The following ARHGAP15 variants were observed in gnomAD, a reference collection of about 807,000 sequenced individuals.
The protein encoded by ARHGAP15 is rho GTPase-activating protein 15.
In ARHGAP15, 51 loss-of-function variants were observed where a neutral mutation model predicts 63.7. That is an observed-to-expected ratio of 0.80 (90% CI 0.64 to 1.01). The LOEUF (loss-of-function observed/expected upper bound fraction) is 1.01, where lower values mean the gene tolerates loss of function less well. Ranked by LOEUF, ARHGAP15 falls within the 50% of genes least tolerant of loss-of-function variation. The pLI, the probability that ARHGAP15 is intolerant of heterozygous loss-of-function variation, is 0.00. For synonymous variants in ARHGAP15, 191 were observed against 193.8 expected (o/e 0.99, Z 0.12); for missense variants, 560 against 564.6 (o/e 0.99, Z 0.08).
intron 1 of ARHGAP15, among the ~76,000 whole-genome samples, chr2:143,144,775 TTTCA>T (rs1689512225): frequency 6.6e-6 from 1 of 152,028 alleles, no homozygotes; most frequent in Non-Finnish European, 1.5e-5. Context: ...TAAAGTGAAC[TTTCA>T]TTCCCAGGAA....
In ARHGAP15 at chr2:143,413,442, C is replaced by T. The variant is rs141616065; in HGVS notation, c.475-22159C>T. 9.9e-5 allele frequency among the ~76,000 whole-genome samples: 15 copies of T among 152,260 alleles called. No individual in the cohort carries two copies. The East Asian group carries it at 2.9e-3, about 29-fold the overall frequency. ...TGTTTCTCAAGCCCTGTGAGGCTGC[C>T]ATCAACTCTGATAAGCTTCTCAGCC... is the stretch of plus-strand genomic sequence containing the variant. On this transcript the variant is annotated intron_variant, in intron 6 of 13. Transcript: ENST00000295095.
intron 8 of ARHGAP15, among the ~76,000 whole-genome samples, chr2:143,467,994 C>T (rs919774341): frequency 7.9e-5 from 12 of 151,972 alleles, no homozygotes; most frequent in African/African-American, 2.4e-4. Flanking sequence ...TGAGTATGTT[C>T]GTTGTAGTTT....
At chr2:143,726,923 C>A (rs1297866151) in intron 13 of ARHGAP15, among the ~76,000 whole-genome samples, 1 of 152,114 alleles carries the variant, frequency 6.6e-6, no homozygotes, top group African/African-American at 2.4e-5. Flanking sequence ...AAAGGCAAAC[C>A]TGGATAGCAC....
At chr2:143,167,953 G>C (rs1690615224) in intron 2 of ARHGAP15, among the ~76,000 whole-genome samples, 2 of 152,038 alleles carry the variant, frequency 1.3e-5, no homozygotes, top group Admixed American at 1.3e-4. Flanking sequence ...CTATTGACTG[G>C]CTGTTCACAG....
At chr2:143,427,372 AGT>A (rs910594154) in intron 6 of ARHGAP15, among the ~76,000 whole-genome samples, 3 of 152,178 alleles carry the variant, frequency 2.0e-5, no homozygotes, top group African/African-American at 7.2e-5. Flanking sequence ...TAATATTAAC[AGT>A]GTTCTTGTAA....
intron 6 of ARHGAP15, among the ~76,000 whole-genome samples, chr2:143,318,049 A>C (rs1683803564): frequency 6.6e-6 from 1 of 151,996 alleles, no homozygotes; most frequent in Admixed American, 6.6e-5. Context: ...CCCAGGCTGA[A>C]GTGCAGCGGT....
intron 6 of ARHGAP15, among the ~76,000 whole-genome samples, chr2:143,340,258 T>C (rs528974162): frequency 9.8e-4 from 149 of 152,218 alleles, no homozygotes; most frequent in African/African-American, 3.5e-3. Flanking sequence ...TGGAAACTTT[T>C]CAGGGTGAAA....
intron 9 of ARHGAP15, among the ~76,000 whole-genome samples, chr2:143,517,440 T>A (rs1007922200): frequency 1.1e-4 from 17 of 152,238 alleles, no homozygotes; most frequent in Non-Finnish European, 2.5e-4. Flanking sequence ...ATTATTATTC[T>A]ATCTAATTTT....
intron 6 of ARHGAP15, among the ~76,000 whole-genome samples, chr2:143,414,888 C>T (rs1394106983): frequency 6.6e-6 from 1 of 152,112 alleles, no homozygotes; most frequent in African/African-American, 2.4e-5. Flanking sequence ...AAGATCACAC[C>T]ACTGCACTCC....
intron 8 of ARHGAP15, among the ~76,000 whole-genome samples, chr2:143,480,354 T>A (rs1692022304): frequency 6.6e-6 from 1 of 152,210 alleles, no homozygotes. Context: ...GATAATGCAG[T>A]CTAAAAGTAA....
At chr2:143,404,561 G>A (rs1203200221) in intron 6 of ARHGAP15, among the ~76,000 whole-genome samples, 1 of 151,784 alleles carries the variant, frequency 6.6e-6, no homozygotes, top group African/African-American at 2.4e-5. Flanking sequence ...TGCATGTGTG[G>A]GTTTCCTTTA....
chr2:143,411,633 GATTC>G (rs1380659844), intron 6 of ARHGAP15, among the ~76,000 whole-genome samples: 19 of 152,070 alleles, frequency 1.2e-4, no homozygotes, highest in African/African-American at 3.1e-4. Flanking sequence ...TGAATAAATT[GATTC>G]ATTCATTCAA....
chr2:143,552,872 AT>A (rs1695633108), intron 10 of ARHGAP15, among the ~76,000 whole-genome samples: 1 of 152,174 alleles, frequency 6.6e-6, no homozygotes, highest in South Asian at 2.1e-4. Context: ...TCTCAAAGCG[AT>A]TTTTCACCAA....
intron 11 of ARHGAP15, among the ~76,000 whole-genome samples, chr2:143,595,363 G>A (rs1358403477): frequency 6.6e-6 from 1 of 152,000 alleles, no homozygotes; most frequent in Non-Finnish European, 1.5e-5. Context: ...GATCCAAAAT[G>A]CATTATACTA....
rs184766254 is a variant in ARHGAP15 at position 143,138,070 on chromosome 2, T to C, written c.-15+8604T>C. Among the ~76,000 whole-genome samples, 375 of 152,234 alleles carry C rather than the reference T, an allele frequency of 2.5e-3. 1 individual carries two copies. The highest frequency in any genetic ancestry group is 8.6e-3 in the African/African-American group (359 of 41,568). ...AGTTGTTACCAAAACTAGACAATAT[T>C]AACTTATTCTCAAGATGTTTACAGT... On this transcript the variant is annotated intron_variant, in intron 1 of 13. Transcript: ENST00000295095.
At chr2:143,260,751 A>G (rs1288876560) in intron 6 of ARHGAP15, among the ~76,000 whole-genome samples, 1 of 152,130 alleles carries the variant, frequency 6.6e-6, no homozygotes, top group Non-Finnish European at 1.5e-5. Context: ...GTTACTAGCT[A>G]TTTCTACCAC....
At chr2:143,286,170 T>G (rs551409429) in intron 6 of ARHGAP15, among the ~76,000 whole-genome samples, 1 of 152,310 alleles carries the variant, frequency 6.6e-6, no homozygotes, top group African/African-American at 2.4e-5. Flanking sequence ...TATGGCCTTT[T>G]GTGAAAAGTG....
chr2:143,750,585 C>T (rs564299278), intron 13 of ARHGAP15, among the ~76,000 whole-genome samples: 1 of 152,266 alleles, frequency 6.6e-6, no homozygotes, highest in Admixed American at 6.5e-5. Context: ...AATGGTAGGG[C>T]CCATCTAAGA....
At chr2:143,439,256 C>T (rs13033603) in intron 8 of ARHGAP15, among the ~76,000 whole-genome samples, 3 of 151,428 alleles carry the variant, frequency 2.0e-5, no homozygotes, top group African/African-American at 7.3e-5. Flanking sequence ...AACCCTGTCT[C>T]TACTAAAAAT....
Sources: allele counts gnomAD v4.1 joint callset (sites outside exome capture counted in the v4.1 genomes callset), GRCh38; gene constraint gnomAD v4.1.1; transcripts MANE v1.5; gene names NCBI Gene and HGNC (gene_info 2026-07-23, HGNC 2026-07-21).